The following NRF1 variants were observed in gnomAD, a reference collection of about 807,000 sequenced individuals.
NRF1 encodes the protein nuclear respiratory factor 1, also known as alpha palindromic-binding protein.
In NRF1, 5 loss-of-function variants were observed where a neutral mutation model predicts 58.5. That is an observed-to-expected ratio of 0.09 (90% confidence interval 0.04 to 0.18). The LOEUF is 0.18. Among genes scored for constraint, NRF1 ranks in the 10% least tolerant of loss-of-function variants. The pLI is 1.00. For missense variants in NRF1, 288 were observed against 657.7 expected, an observed-to-expected ratio of 0.44 and a Z score of 6.15; for synonymous variants, 224 against 246.7, an observed-to-expected ratio of 0.91 and a Z score of 0.86.
intron 1 of NRF1, among the ~76,000 whole-genome samples, chr7:129,619,421 T>TAC (rs1167995584): frequency 6.3e-5 from 6 of 95,794 alleles, no homozygotes; most frequent in East Asian, 7.0e-4. Flanking sequence ...TATATATATA[T>TAC]ATATATATAT....
chr7:129,630,937 A>T (rs972593235), intron 1 of NRF1, among the ~76,000 whole-genome samples: 7 of 152,046 alleles, frequency 4.6e-5, no homozygotes, highest in African/African-American at 1.7e-4. Flanking sequence ...TCGAAGTTTG[A>T]CCTCCTTTTT....
chr7:129,703,169 G>C (rs1802872709), intron 5 of NRF1, among the ~76,000 whole-genome samples: 1 of 152,046 alleles, frequency 6.6e-6, no homozygotes, highest in Non-Finnish European at 1.5e-5. Context: ...GATTGTCCCG[G>C]GAAGTGGTAG....
intron 4 of NRF1, among the ~76,000 whole-genome samples, chr7:129,683,297 G>GTA: frequency 8.1e-6 from 1 of 124,186 alleles, no homozygotes; most frequent in East Asian, 2.9e-4. Flanking sequence ...GAGTGTGTGT[G>GTA]TGTGTGTGTG....
At chr7:129,674,709 A>G (rs1032112390) in intron 3 of NRF1, among the ~76,000 whole-genome samples, 4 of 152,186 alleles carry the variant, frequency 2.6e-5, no homozygotes, top group African/African-American at 7.2e-5. Flanking sequence ...TGCTGGGATT[A>G]CAGGTGTGAG....
chr7:129,709,752 CAG>C (rs1423925112), intron 6 of NRF1, among the ~76,000 whole-genome samples: 1 of 127,690 alleles, frequency 7.8e-6, no homozygotes, highest in African/African-American at 3.0e-5. Context: ...TTTTTTGAGA[CAG>C]AGTCTCACTC....
intron 9 of NRF1, among the ~76,000 whole-genome samples, chr7:129,723,817 TTG>T (rs1309524267): frequency 2.6e-5 from 4 of 152,314 alleles, no homozygotes; most frequent in Admixed American, 2.6e-4. Context: ...TACTACAGCT[TTG>T]TGTTAAGTTT....
chr7:129,732,418 T>G (rs1803601750), intron 10 of NRF1, among the ~76,000 whole-genome samples: 1 of 152,236 alleles, frequency 6.6e-6, no homozygotes, highest in South Asian at 2.1e-4. Context: ...GAATGGCATA[T>G]TTGAAGTTGG....
intron 1 of NRF1, among the ~76,000 whole-genome samples, chr7:129,639,444 C>A (rs1801240414): frequency 6.6e-6 from 1 of 151,600 alleles, no homozygotes; most frequent in African/African-American, 2.4e-5. Context: ...TTTTAAAATT[C>A]AACTTAAAAT....
chr7:129,702,965 G>C (rs1029869604), intron 5 of NRF1, among the ~76,000 whole-genome samples: 2 of 152,144 alleles, frequency 1.3e-5, no homozygotes, highest in Non-Finnish European at 2.9e-5. Context: ...GATGTGTAAG[G>C]ATAATGCATT....
intron 5 of NRF1, among the ~76,000 whole-genome samples, chr7:129,701,327 A>G (rs1348002298): frequency 1.3e-5 from 2 of 152,092 alleles, no homozygotes; most frequent in Non-Finnish European, 2.9e-5. Context: ...GGCTGGGTGC[A>G]GTGGCTCATG....
intron 5 of NRF1, among the ~76,000 whole-genome samples, chr7:129,704,056 G>A (rs1019444412): frequency 4.8e-5 from 7 of 146,664 alleles, no homozygotes; most frequent in Non-Finnish European, 9.0e-5. Context: ...CCCACCCCCC[G>A]TTTTTTTTTA....
At chr7:129,681,647 C>T (rs1802312196) in intron 4 of NRF1, among the ~76,000 whole-genome samples, 1 of 152,184 alleles carries the variant, frequency 6.6e-6, no homozygotes, top group Non-Finnish European at 1.5e-5. Flanking sequence ...AATCTCAGCT[C>T]ACTGCAATCT....
At chr7:129,675,778 G>A (rs184018141) in intron 3 of NRF1, among the ~76,000 whole-genome samples, 30 of 152,310 alleles carry the variant, frequency 2.0e-4, no homozygotes, top group Admixed American at 5.2e-4. Flanking sequence ...TAGAGGACAG[G>A]CAGAGTAGAT....
chr7:129,736,558 T>C (rs1803717840), intron 10 of NRF1, among the ~76,000 whole-genome samples: 1 of 152,112 alleles, frequency 6.6e-6, no homozygotes, highest in Admixed American at 6.5e-5. Context: ...CAATAGGATA[T>C]TCTTAACCTG....
intron 9 of NRF1, among the ~76,000 whole-genome samples, chr7:129,722,923 C>A (rs193036272): frequency 6.6e-6 from 1 of 152,102 alleles, no homozygotes. Context: ...ACTGAGGTGA[C>A]CTATAAACAA....
intron 1 of NRF1, among the ~76,000 whole-genome samples, chr7:129,628,131 C>T (rs1800962575): frequency 1.4e-5 from 2 of 147,322 alleles, no homozygotes; most frequent in South Asian, 2.1e-4. Context: ...GCAAGCTCTG[C>T]CTCCTGGGTT....
At chr7:129,626,144 G>T (rs1330018435) in intron 1 of NRF1, among the ~76,000 whole-genome samples, 1 of 152,130 alleles carries the variant, frequency 6.6e-6, no homozygotes, top group East Asian at 1.9e-4. Flanking sequence ...TTAAGACAGG[G>T]ACAATAATGC....
chr7:129,743,920 A>G (rs1007521966), intron 10 of NRF1, among the ~76,000 whole-genome samples: 3 of 152,162 alleles, frequency 2.0e-5, no homozygotes, highest in Admixed American at 6.5e-5. Flanking sequence ...ACAAATTCCA[A>G]CGGCGAGGGG....
At chr7:129,689,625 G>A (rs547349178) in intron 4 of NRF1, among the ~76,000 whole-genome samples, 5 of 152,294 alleles carry the variant, frequency 3.3e-5, no homozygotes, top group South Asian at 2.1e-4. Flanking sequence ...GTTCATGATC[G>A]AATGTGTGCA....
Sources: allele counts gnomAD v4.1 joint callset (sites outside exome capture counted in the v4.1 genomes callset), GRCh38; gene constraint gnomAD v4.1.1; transcripts MANE v1.5; gene names NCBI Gene and HGNC (gene_info 2026-07-23, HGNC 2026-07-21).